KCNQ1: variants seen among roughly 807,000 people sequenced by gnomAD.
KCNQ1 encodes potassium voltage-gated channel subfamily KQT member 1.
Under a neutral mutation model 72.4 loss-of-function variants are expected in KCNQ1, and 49 were observed. The observed-to-expected ratio is 0.68, with a 90% CI of 0.54 to 0.86. The LOEUF (loss-of-function observed/expected upper bound fraction) is 0.86, where lower values mean the gene tolerates loss of function less well. Among genes scored for constraint, KCNQ1 ranks in the 40% least tolerant of loss-of-function variants. KCNQ1 has a pLI of 0.00. For synonymous variants in KCNQ1, 450 were observed against 412.6 expected (o/e 1.09, Z -1.10); for missense variants, 790 against 945.1 (o/e 0.84, Z 2.15).
At chr11:2,470,974 T>C (rs1380716311) in intron 1 of KCNQ1, among the ~76,000 whole-genome samples, 6 of 152,150 alleles carry the variant, frequency 3.9e-5, no homozygotes, top group Admixed American at 3.9e-4. Context: ...GGTTTCACAC[T>C]GAGGTGGATA....
intron 11 of KCNQ1, chr11:2,694,937 T>C (rs1850650036): frequency 2.5e-6 from 1 of 398,610 alleles, no homozygotes; most frequent in Admixed American, 4.4e-5. Context: ...GGTGAAGGCC[T>C]TGGGGCAGGA....
At chr11:2,733,203 C>G (rs1010577132) in intron 11 of KCNQ1, among the ~76,000 whole-genome samples, 2 of 131,668 alleles carry the variant, frequency 1.5e-5, no homozygotes, top group Non-Finnish European at 3.3e-5. Context: ...GATCCACTCC[C>G]ACCCCCACCC....
intron 6 of KCNQ1, among the ~76,000 whole-genome samples, chr11:2,578,787 G>C (rs751203870): frequency 6.6e-6 from 1 of 152,258 alleles, no homozygotes; most frequent in Non-Finnish European, 1.5e-5. Context: ...GGGCAAGGTC[G>C]GGGCCTGCAA....
chr11:2,573,020 G>T, intron 6 of KCNQ1, 34 bp downstream of exon 6: 6 of 1,606,426 alleles, frequency 3.7e-6, no homozygotes, highest in Non-Finnish European at 5.1e-6. Context: ...GGGGACAGGG[G>T]CAGCTCAGGC....
At chr11:2,820,381 A>G (rs1847706623) in intron 15 of KCNQ1, among the ~76,000 whole-genome samples, 1 of 152,126 alleles carries the variant, frequency 6.6e-6, no homozygotes, top group Non-Finnish European at 1.5e-5. Flanking sequence ...ATTTTTATTA[A>G]TAATTTTCTA....
chr11:2,495,808 A>G lies in KCNQ1; in HGVS notation c.387-32120A>G, dbSNP rs1653056313. Among the ~76,000 whole-genome samples, 1 of 152,220 alleles carries G rather than the reference A, an allele frequency of 6.6e-6. No individual in the cohort carries two copies. Among genetic ancestry groups the G allele is most frequent in the African/African-American group, 2.4e-5 (1 of 41,458 alleles). ...CTATGTGATGCTGAGAACAATGTAC[A>G]TTCTCTTGATTTGGGGTGGAAAGTT... On this transcript the variant is annotated intron_variant, in intron 1 of 15. Transcript: ENST00000155840. This position sits in a 1 kb window ranked among gnomAD's most constrained non-coding sequence, Gnocchi z 4.6.
rs1371650529 is a variant in KCNQ1, at chr11:2,565,779, G to T, written c.478-4849G>T. The stretch of plus-strand genomic sequence containing the variant: ...CGAGGCGTTTCTTCCCACTTCACAT[G>T]TCTTTTCTGTTGTTTCTGCGAAGGT... On this transcript the variant is annotated intron_variant, in intron 2 of 15. Transcript: ENST00000155840. The surrounding 1 kb of genome is among the most constrained non-coding windows in gnomAD (Gnocchi z 5.6). Among the ~76,000 whole-genome samples, 1 of 152,228 alleles carries T rather than the reference G, an allele frequency of 6.6e-6. No homozygotes were observed. Among genetic ancestry groups the T allele is most frequent in the Admixed American group, 6.5e-5 (1 of 15,280 alleles).
chr11:2,557,646 T>C (rs1012850176), intron 2 of KCNQ1, among the ~76,000 whole-genome samples: 2 of 152,184 alleles, frequency 1.3e-5, no homozygotes, highest in Admixed American at 1.3e-4. Flanking sequence ...TGCATCTACA[T>C]GGCTGGTAAG....
At chr11:2,777,539 A>G in intron 14 of KCNQ1, 1 of 538,640 alleles carries the variant, frequency 1.9e-6, no homozygotes, top group Admixed American at 3.5e-5. Context: ...GACAGGGAAA[A>G]GGCACATTCC....
chr11:2,584,346 GGTTAGTGTAT>G lies in KCNQ1; in HGVS notation c.1032+805_1032+814del, dbSNP rs1323076094. 2.0e-5 allele frequency among the ~76,000 whole-genome samples: 3 copies of G among 151,814 alleles called. No homozygotes were observed. In the East Asian group the frequency reaches 5.8e-4, roughly 29 times the overall value. The stretch of plus-strand genomic sequence containing the variant: ...GTGTTAGTGTTTGTGTGTTAGTGTG[GGTTAGTGTAT>G]GTTTTAGTGTATGTTAGTGTGTTTG... On this transcript the variant is annotated intron_variant, in intron 7 of 15. Coordinates refer to ENST00000155840, the MANE Select transcript of KCNQ1 (RefSeq NM_000218.3).
chr11:2,742,276 G>A (rs970191677), intron 11 of KCNQ1, among the ~76,000 whole-genome samples: 5 of 152,190 alleles, frequency 3.3e-5, no homozygotes, highest in Non-Finnish European at 4.4e-5. Flanking sequence ...AGATGGGCAG[G>A]GCAGTCCAGG....
chr11:2,700,840 CCGCGCCGCTGGCG>C (rs1850796488), intron 11 of KCNQ1, among the ~76,000 whole-genome samples: 1 of 152,148 alleles, frequency 6.6e-6, no homozygotes, highest in Non-Finnish European at 1.5e-5. Context: ...TCCGTCCCCT[CCGCGCCGCTGGCG>C]CGCGCCTTCT....
rs956184807 is a variant in KCNQ1, at chr11:2,673,160, G to A, written c.1514+11079G>A. 3.0e-5 allele frequency: 12 copies of A among 398,602 alleles called. No homozygotes were observed. The highest frequency in any genetic ancestry group is 8.8e-5 in the Admixed American group (2 of 22,716). The allele number at this position is 398,602 out of a possible 1,614,324, so 24.7% of individuals were successfully genotyped here. ...TGCTGACCATCCCTGACCCAAGCAC[G>A]AGGATCAGAATGGGCCCTGGAGCCA... On this transcript the variant is annotated intron_variant, in intron 11 of 15. Coordinates refer to ENST00000155840, the MANE Select transcript of KCNQ1 (RefSeq NM_000218.3). This position sits in a 1 kb window ranked among gnomAD's most constrained non-coding sequence, Gnocchi z 4.5.
intron 11 of KCNQ1, among the ~76,000 whole-genome samples, chr11:2,729,658 T>G (rs572864189): frequency 6.6e-6 from 1 of 152,290 alleles, no homozygotes; most frequent in African/African-American, 2.4e-5. Context: ...AGCATTTGTG[T>G]TGTTAGGTAT....
rs138715770 is a variant in KCNQ1 at position 2,809,116 on chromosome 11, GCAGA to G, written c.1794+31090_1794+31093del. 1.3e-5 allele frequency among the ~76,000 whole-genome samples: 2 copies of G among 152,240 alleles called. No homozygotes were observed. Among genetic ancestry groups the G allele is most frequent in the East Asian group, 1.9e-4 (1 of 5,176 alleles). On this transcript the variant is annotated intron_variant, in intron 15 of 15. Transcript: ENST00000155840. The surrounding 1 kb of genome is among the most constrained non-coding windows in gnomAD (Gnocchi z 7.1). ...TGTGAGTGAGTAGATGAATGAGTGG[GCAGA>G]CAGACAGACACACCATCAGAAGCAA... is the stretch of plus-strand genomic sequence containing the variant.
chr11:2,674,439 G>T lies in KCNQ1; in HGVS notation c.1514+12358G>T, dbSNP rs1211384335. On this transcript the variant is annotated intron_variant, in intron 11 of 15. Transcript: ENST00000155840. This position sits in a 1 kb window ranked among gnomAD's most constrained non-coding sequence, Gnocchi z 5.9. ...CGCGCGCACACGACCACAGAGGCTGGGGGGAGGCACGTGGGGAGGAGGGCT... is the reference window on the plus strand; with the variant it reads ...CGCGCGCACACGACCACAGAGGCTGTGGGGAGGCACGTGGGGAGGAGGGCT... The T allele has an allele frequency of 2.5e-6, 1 of 398,648 alleles. No homozygotes were observed. Among genetic ancestry groups the T allele is most frequent in the Admixed American group, 4.4e-5 (1 of 22,734 alleles). 24.7% of individuals were successfully genotyped at this position (398,648 alleles called of 1,614,324 possible). A position where few individuals can be genotyped will look rare whatever the true frequency, so the allele number is the denominator to read the frequency against.
intron 10 of KCNQ1, chr11:2,610,485 G>C (rs1470050575): frequency 2.5e-6 from 1 of 398,126 alleles, no homozygotes; most frequent in Non-Finnish European, 4.4e-6. Flanking sequence ...TTACCAACTG[G>C]TGGTATTTCC....
Position 2,652,558 on chromosome 11 carries a change from T to G in KCNQ1, c.1394-9403T>G. The G allele has an allele frequency of 2.5e-6, 1 of 398,488 alleles. No homozygotes were observed. The highest frequency in any genetic ancestry group is 1.3e-4 in the South Asian group (1 of 7,860). 24.7% of individuals were successfully genotyped at this position (398,488 alleles called of 1,614,324 possible). On this transcript the variant is annotated intron_variant, in intron 10 of 15. Transcript: ENST00000155840. This position sits in a 1 kb window ranked among gnomAD's most constrained non-coding sequence, Gnocchi z 5.9. ...AGATAGTGCTTAACCCAGATTCCAT[T>G]GTATATTAAAGTTTCCTAGGGCTGC...
chr11:2,553,263 A>G (rs1437993495), intron 2 of KCNQ1, among the ~76,000 whole-genome samples: 2 of 149,460 alleles, frequency 1.3e-5, no homozygotes, highest in African/African-American at 2.5e-5. Context: ...TTTTCAGTCC[A>G]TATACTATTT....
Sources: allele counts gnomAD v4.1 joint callset (sites outside exome capture counted in the v4.1 genomes callset), GRCh38; gene constraint gnomAD v4.1.1; non-coding constraint Gnocchi (gnomAD v3.1); transcripts MANE v1.5; gene names NCBI Gene and HGNC (gene_info 2026-07-23, HGNC 2026-07-21).